RNF17: variants seen among roughly 807,000 people sequenced by gnomAD.
RNF17 encodes the protein spermatogenesis associated 23.
In RNF17, 31 loss-of-function variants were observed where a neutral mutation model predicts 200.5. That is an observed-to-expected ratio of 0.15 (90% CI 0.12 to 0.21). The LOEUF is 0.21. RNF17 is among the 10% of genes least tolerant of loss of function. The probability of loss-of-function intolerance (pLI) is 1.00; values close to 1 mark genes in which losing one functional copy is unlikely to be tolerated. For synonymous variants in RNF17, 606 were observed against 637.8 expected (o/e 0.95, Z 0.75); for missense variants, 1,628 against 1,905.1 (o/e 0.85, Z 2.71).
chr13:24,851,143 C>T (rs567467275), intron 23 of RNF17, among the ~76,000 whole-genome samples: 4 of 152,276 alleles, frequency 2.6e-5, no homozygotes, highest in East Asian at 1.9e-4. Context: ...TACAGGCATG[C>T]GCCACCACGC....
intron 18 of RNF17, among the ~76,000 whole-genome samples, chr13:24,832,548 G>A (rs1284720784): frequency 1.3e-5 from 2 of 152,154 alleles, no homozygotes; most frequent in African/African-American, 4.8e-5. Flanking sequence ...GCTGTATATA[G>A]TTTTTATCTC....
At chr13:24,884,491 T>TAAGA, downstream of RNF17, 1 of 1,612,614 alleles carries the variant, frequency 6.2e-7, no homozygotes, top group South Asian at 1.1e-5. Flanking sequence ...GATTATCACC[T>TAAGA]AAGATTTTCT....
downstream of RNF17, among the ~76,000 whole-genome samples, chr13:24,881,471 T>G (rs909196487): frequency 5.9e-5 from 9 of 152,018 alleles, no homozygotes; most frequent in Admixed American, 5.9e-4. Context: ...GTTTGTGTTT[T>G]TTGTCTCATT....
In RNF17 at chr13:24,816,173, T is replaced by C. The variant is rs541289671; in HGVS notation, c.2092-9446T>C. ...CCTTACCCTCCCAAAGTGCTGGGAG[T>C]ACAGCCGTGGGCCACTGCGCCTGCT... On this transcript the variant is annotated intron_variant, in intron 15 of 35. Coordinates refer to ENST00000255324, the MANE Select transcript of RNF17 (RefSeq NM_031277.3). 1.0e-3 allele frequency among the ~76,000 whole-genome samples: 157 copies of C among 152,256 alleles called. 1 individual carries two copies. The highest frequency in any genetic ancestry group is 1.3e-3 in the Non-Finnish European group (89 of 68,022).
intron 6 of RNF17, among the ~76,000 whole-genome samples, chr13:24,783,886 G>T (rs1882759305): frequency 6.6e-6 from 1 of 152,052 alleles, no homozygotes; most frequent in African/African-American, 2.4e-5. Context: ...TTGTCTAATT[G>T]CTTTGGCTAG....
intron 33 of RNF17, 36 bp downstream of exon 33, chr13:24,874,285 C>CTT: frequency 6.7e-7 from 1 of 1,490,552 alleles, no homozygotes; most frequent in Non-Finnish European, 9.0e-7. Context: ...AATTAGATTT[C>CTT]TTTTTTTTTA....
chr13:24,874,317 A>G (rs1029194805), intron 33 of RNF17, 68 bp downstream of exon 33: 4 of 1,360,044 alleles, frequency 2.9e-6, no homozygotes, highest in Non-Finnish European at 3.9e-6. Context: ...TATTGAGAAT[A>G]TTTTTGCCTC....
chr13:24,886,911 C>T, the RNF17 span, among the ~76,000 whole-genome samples: 1 of 152,112 alleles, frequency 6.6e-6, no homozygotes, highest in Non-Finnish European at 1.5e-5. Context: ...TTAACTTGAA[C>T]CCCCAAAGTA....
intron 34 of RNF17, 28 bp downstream of exon 34, chr13:24,877,214 T>G: frequency 6.4e-7 from 1 of 1,571,812 alleles, no homozygotes; most frequent in Non-Finnish European, 8.7e-7. Flanking sequence ...CCAAAATTAT[T>G]GTAAAGCTAT....
intron 14 of RNF17, 96 bp downstream of exon 14, chr13:24,802,667 C>T (rs1566153912): frequency 2.3e-6 from 2 of 853,112 alleles, no homozygotes; most frequent in Non-Finnish European, 3.6e-6. Context: ...GTAAAGTAAA[C>T]CTTAACATAC....
intron 17 of RNF17, among the ~76,000 whole-genome samples, chr13:24,831,480 A>G (rs2138027355): frequency 6.6e-6 from 1 of 152,312 alleles, no homozygotes; most frequent in East Asian, 1.9e-4. Context: ...AGAATCACTC[A>G]GAATCATTGT....
At chr13:24,780,147 A>G (rs1011542354) in intron 5 of RNF17, among the ~76,000 whole-genome samples, 4 of 152,178 alleles carry the variant, frequency 2.6e-5, no homozygotes, top group Non-Finnish European at 5.9e-5. Flanking sequence ...GCACCTAGCA[A>G]CAAAATTTAC....
intron 7 of RNF17, 103 bp downstream of exon 7, chr13:24,788,262 T>G (rs1014689918): frequency 2.6e-6 from 2 of 763,946 alleles, no homozygotes; most frequent in African/African-American, 1.8e-5. Context: ...TATCCTAACC[T>G]ATATTATTAT....
chr13:24,789,260 A>G (rs2137622875), intron 7 of RNF17, 88 bp from the exon 8 acceptor site: 1 of 892,062 alleles, frequency 1.1e-6, no homozygotes. Flanking sequence ...GAAATACCTA[A>G]AAGATACAGT....
the RNF17 span, among the ~76,000 whole-genome samples, chr13:24,758,860 A>G: frequency 6.6e-6 from 1 of 152,010 alleles, no homozygotes; most frequent in Non-Finnish European, 1.5e-5. Flanking sequence ...GCGGATCACA[A>G]GGTCAGGAGA....
At chr13:24,770,687 A>G (rs1004801751) in intron 2 of RNF17, among the ~76,000 whole-genome samples, 6 of 152,192 alleles carry the variant, frequency 3.9e-5, no homozygotes, top group Non-Finnish European at 8.8e-5. Context: ...TTGAAAGAAC[A>G]TTCTCTTCCC....
intron 27 of RNF17, among the ~76,000 whole-genome samples, 198 bp downstream of exon 27, chr13:24,861,585 C>G (rs1566240659): frequency 6.6e-6 from 1 of 152,212 alleles, no homozygotes; most frequent in East Asian, 1.9e-4. Flanking sequence ...TGTAAAACAT[C>G]TGAATAAATG....
In RNF17 at chr13:24,870,575, A is replaced by T. The variant is rs771839361; in HGVS notation, c.4283A>T (p.Tyr1428Phe). Residue 1428 changes from tyrosine (Y) to phenylalanine (F), a missense_variant, in exon 32 of 36, where the codon TAT (tyrosine) becomes TTT (phenylalanine). Tyr to Phe is a conservative substitution (Grantham distance 22). This residue lies in a region of RNF17 where 609 missense variants were observed against 681.9 expected (regional missense o/e 0.89). Coordinates refer to ENST00000255324, the MANE Select transcript of RNF17 (RefSeq NM_031277.3). ...CCTTTCATTCTCCCCACTTAGGTGT[A>T]TATTTGCCTTGATTCTATAGAAACT... is the stretch of plus-strand genomic sequence containing the variant. Reference protein sequence around the residue: ...VKHVVSPNEVYICLDSIETSN... With the variant: ...VKHVVSPNEVFICLDSIETSN... The T allele has an allele frequency of 2.5e-6, 4 of 1,612,292 alleles. No individual in the cohort carries two copies. Among genetic ancestry groups the T allele is most frequent in the Non-Finnish European group, 2.5e-6 (3 of 1,179,104 alleles).
At chr13:24,826,868 C>G (rs1252433218) in intron 16 of RNF17, among the ~76,000 whole-genome samples, 2 of 151,972 alleles carry the variant, frequency 1.3e-5, no homozygotes, top group South Asian at 2.1e-4. Context: ...CGAGACCAGC[C>G]TGACCAACAT....
Sources: allele counts gnomAD v4.1 joint callset (sites outside exome capture counted in the v4.1 genomes callset), GRCh38; gene constraint gnomAD v4.1.1; regional missense constraint gnomAD v4.1.1; transcripts MANE v1.5; gene names NCBI Gene and HGNC (gene_info 2026-07-23, HGNC 2026-07-21).